The following COL27A1 variants were observed in gnomAD, a reference collection of about 807,000 sequenced individuals.
The protein encoded by COL27A1 is collagen alpha-1(XXVII) chain.
COL27A1 carries 106 observed loss-of-function variants against 251.3 expected under a neutral mutation model. The observed-to-expected ratio is 0.42, with a 90% CI of 0.36 to 0.50. The LOEUF (loss-of-function observed/expected upper bound fraction) is 0.50, where lower values mean the gene tolerates loss of function less well. Among genes scored for constraint, COL27A1 ranks in the 20% least tolerant of loss-of-function variants. COL27A1 has a pLI of 0.00. For missense variants in COL27A1, 2,325 were observed against 2,522.8 expected, an observed-to-expected ratio of 0.92 and a Z score of 1.68; for synonymous variants, 1,000 against 986.3, an observed-to-expected ratio of 1.01 and a Z score of -0.26.
At chr9:114,252,960 C>G in intron 27 of COL27A1, 28 bp downstream of exon 27, 1 of 1,590,566 alleles carries the variant, frequency 6.3e-7, no homozygotes, top group Non-Finnish European at 8.6e-7. Context: ...GATCCCTAAG[C>G]TCAAACCACT....
intron 12 of COL27A1, among the ~76,000 whole-genome samples, chr9:114,212,411 G>C (rs1003641612): frequency 2.6e-5 from 4 of 152,262 alleles, no homozygotes; most frequent in African/African-American, 9.6e-5. Flanking sequence ...TTCTGGCAGA[G>C]CAGTGGATAA....
chr9:114,197,519 C>T (rs1192806748), intron 7 of COL27A1, among the ~76,000 whole-genome samples: 1 of 152,222 alleles, frequency 6.6e-6, no homozygotes, highest in Non-Finnish European at 1.5e-5. Flanking sequence ...GGAAAAGGCT[C>T]CTTCCGGTCC....
At chr9:114,171,347 C>A (rs1394448822) in intron 3 of COL27A1, among the ~76,000 whole-genome samples, 1 of 152,204 alleles carries the variant, frequency 6.6e-6, no homozygotes, top group African/African-American at 2.4e-5. Flanking sequence ...CGTTCCATCC[C>A]ACTGCCCTGA....
rs1687410 is a variant in COL27A1, at chr9:114,288,740, A to G, written c.4083A>G (p.Gly1361=). The G allele has an allele frequency of 0.15, 234,413 of 1,610,198 alleles. 19,707 individuals are homozygous for G. The highest frequency in any genetic ancestry group is 0.34 in the African/African-American group (25,522 of 74,886). The change falls in exon 43 of 61, where the codon GGA becomes GGG. Residue 1361 remains glycine, a synonymous_variant. Coordinates refer to ENST00000356083, the MANE Select transcript of COL27A1 (RefSeq NM_032888.4). ...VGDRGDRGEP[G]DPGYPGQEGV... ...ATCGAGGAGACCGCGGGGAACCGGG[A>G]GACCCTGGGTACCCTGTAAGTATCA...
chr9:114,261,308 C>CGAG lies in COL27A1; in HGVS notation c.3195+2715_3195+2716insAGG, dbSNP rs11280714. ...GCCTGCAGACATCTTCCTCGAGGAG[C>CGAG]GGATACAAGAGAGCAGACAGGTAGC... On this transcript the variant is annotated intron_variant, in intron 28 of 60. Transcript: ENST00000356083. Among the ~76,000 whole-genome samples the CGAG allele has an allele frequency of 4.4e-3, 669 of 152,266 alleles. 8 individuals carry two copies. The highest frequency in any genetic ancestry group is 0.015 in the African/African-American group (644 of 41,564).
chr9:114,228,206 C>T (rs1439204221), intron 14 of COL27A1, among the ~76,000 whole-genome samples: 2 of 152,198 alleles, frequency 1.3e-5, no homozygotes. Flanking sequence ...CAAAGGTGAC[C>T]ATCCTGCCTG....
chr9:114,300,671 G>C lies in COL27A1; in HGVS notation c.4685G>C (p.Gly1562Ala). 1 of 1,512,722 alleles carries C rather than the reference G, an allele frequency of 6.6e-7. No homozygotes were observed. The highest frequency in any genetic ancestry group is 8.8e-7 in the Non-Finnish European group (1 of 1,133,420). The allele number at this position is 1,512,722 out of a possible 1,614,324, so 93.7% of individuals were successfully genotyped here. A position where few individuals can be genotyped will look rare whatever the true frequency, so the allele number is the denominator to read the frequency against. ...IGFKGIQGPR[G>A]PPGLMGKEGI... ...TTCAAAGGCATCCAGGGCCCTCGGG[G>C]GCCACCTGGCTTGATGGTGAGTTCC... is the stretch of plus-strand genomic sequence containing the variant. The change falls in exon 51 of 61, where the codon GGG (glycine) becomes GCG (alanine). Residue 1562 changes from glycine to alanine, a missense_variant. Physicochemically the swap from Gly to Ala is moderately conservative, Grantham distance 60. Coordinates refer to ENST00000356083, the MANE Select transcript of COL27A1 (RefSeq NM_032888.4).
At position 114,240,416 on chromosome 9, in the gene COL27A1, T is replaced by C; in HGVS notation, c.2782-18T>C. 1 of 1,613,458 alleles carries C rather than the reference T, an allele frequency of 6.2e-7. No individual in the cohort carries two copies. Among genetic ancestry groups the C allele is most frequent in the South Asian group, 1.1e-5 (1 of 90,982 alleles). On this transcript the variant is annotated intron_variant, in intron 20 of 60. Transcript: ENST00000356083. The stretch of plus-strand genomic sequence containing the variant: ...AGGTACCGCCTCTGAGACTCCCTTT[T>C]TGTTCCCTTCTCCCCAGGGTAAGCC...
intron 5 of COL27A1, among the ~76,000 whole-genome samples, chr9:114,184,717 A>G (rs1399267195): frequency 6.6e-6 from 1 of 152,204 alleles, no homozygotes; most frequent in African/African-American, 2.4e-5. Flanking sequence ...ACAAAGACCT[A>G]AAGAGATGGG....
chr9:114,305,823 C>T (rs1203413895), intron 57 of COL27A1, among the ~76,000 whole-genome samples: 2 of 152,152 alleles, frequency 1.3e-5, no homozygotes, highest in Non-Finnish European at 2.9e-5. Flanking sequence ...ATTGGGTGAG[C>T]GGCTGCTGGT....
rs529638836 is a variant in COL27A1, at chr9:114,308,906, A to G, written c.5218-354A>G. Among the ~76,000 whole-genome samples, 6 of 152,234 alleles carry G rather than the reference A, an allele frequency of 3.9e-5. No homozygotes were observed. The East Asian group carries it at 7.8e-4, about 20-fold the overall frequency. On this transcript the variant is annotated intron_variant, in intron 59 of 60. Coordinates refer to ENST00000356083, the MANE Select transcript of COL27A1 (RefSeq NM_032888.4). ...ACACCTCTCATTTCCTCTGCATTCC[A>G]TGAGCCTCTTAGTCTTGGGCAAAAC...
intron 13 of COL27A1, among the ~76,000 whole-genome samples, chr9:114,220,483 G>A (rs983623328): frequency 1.3e-5 from 2 of 152,166 alleles, no homozygotes; most frequent in Admixed American, 6.6e-5. Flanking sequence ...TGGCTGCTGC[G>A]TTCATAACCA....
chr9:114,301,789 G>C, intron 55 of COL27A1, 72 bp downstream of exon 55: 1 of 1,437,968 alleles, frequency 7.0e-7, no homozygotes, highest in Admixed American at 1.8e-5. Context: ...AGGCTTCACC[G>C]GCAGACTAAG....
chr9:114,228,704 C>G (rs4979356), intron 14 of COL27A1, among the ~76,000 whole-genome samples: 106,804 of 152,134 alleles, frequency 0.7, 39,467 homozygotes, highest in South Asian at 0.89. Context: ...GGTTAAAGCA[C>G]GTCAAGTGCT....
intron 60 of COL27A1, 27 bp downstream of exon 60, chr9:114,309,505 C>A: frequency 6.3e-7 from 1 of 1,574,832 alleles, no homozygotes; most frequent in Non-Finnish European, 8.7e-7. Context: ...CTCCTAGGCC[C>A]TTCATGTGGG....
intron 3 of COL27A1, among the ~76,000 whole-genome samples, chr9:114,173,296 G>A (rs377212380): frequency 1.3e-5 from 2 of 152,236 alleles, no homozygotes; most frequent in African/African-American, 2.4e-5. Context: ...ATGTCCCCTC[G>A]GGAAGACGCC....
intron 10 of COL27A1, among the ~76,000 whole-genome samples, chr9:114,208,335 G>A (rs73562531): frequency 0.016 from 2,391 of 152,252 alleles, 71 homozygotes; most frequent in African/African-American, 0.055. Flanking sequence ...CCTGTGATCA[G>A]CTATTCAGGA....
chr9:114,215,515 C>T (rs1415332221), intron 12 of COL27A1, among the ~76,000 whole-genome samples: 1 of 152,066 alleles, frequency 6.6e-6, no homozygotes, highest in African/African-American at 2.4e-5. Context: ...AGTAGATTTC[C>T]TAGTGGATTT....
chr9:114,305,675 G>T (rs1039588181), intron 57 of COL27A1, among the ~76,000 whole-genome samples: 3 of 152,176 alleles, frequency 2.0e-5, no homozygotes, highest in Non-Finnish European at 4.4e-5. Flanking sequence ...AGGCACCACC[G>T]GGGAAAGAGA....
Sources: gnomAD v4.1 joint callset for allele counts (sites outside exome capture counted in the v4.1 genomes callset) on GRCh38, gnomAD v4.1.1 for gene constraint, MANE v1.5 for transcripts, NCBI Gene and HGNC (gene_info 2026-07-23, HGNC 2026-07-21) for gene names.